The following YWHAQ variants were observed in gnomAD, a reference collection of about 807,000 sequenced individuals.
YWHAQ encodes tyrosine 3-monooxygenase/tryptophan 5-monooxygenase activation protein theta.
YWHAQ carries 6 observed loss-of-function variants against 28.3 expected under a neutral mutation model. The observed-to-expected ratio is 0.21, with a 90% CI of 0.12 to 0.42. YWHAQ has a LOEUF of 0.42. Ranked by LOEUF, YWHAQ falls within the 10% of genes least tolerant of loss-of-function variation. YWHAQ has a pLI of 1.00. For synonymous variants in YWHAQ, 143 were observed against 119.1 expected (o/e 1.20, Z -1.31); for missense variants, 201 against 305.6 (o/e 0.66, Z 2.55).
chr2:9,595,777 C>A (rs1331363173), intron 2 of YWHAQ, among the ~76,000 whole-genome samples: 2 of 149,924 alleles, frequency 1.3e-5, no homozygotes, highest in Non-Finnish European at 3.0e-5. Flanking sequence ...GTACGTTATT[C>A]TTATCAATTA....
chr2:9,605,743 G>A (rs1422902577), intron 2 of YWHAQ, among the ~76,000 whole-genome samples: 1 of 138,274 alleles, frequency 7.2e-6, no homozygotes, highest in Admixed American at 7.2e-5. Context: ...TTTTTTTTTT[G>A]GTAGAGGGGG....
intron 2 of YWHAQ, among the ~76,000 whole-genome samples, chr2:9,612,355 C>T (rs191491743): frequency 3.9e-5 from 6 of 152,284 alleles, no homozygotes; most frequent in Non-Finnish European, 7.4e-5. Context: ...AAAGGATAAA[C>T]TTAAAGCCAG....
chr2:9,586,092 A>G (rs770524041), intron 5 of YWHAQ, among the ~76,000 whole-genome samples: 3 of 152,200 alleles, frequency 2.0e-5, no homozygotes, highest in Non-Finnish European at 4.4e-5. Context: ...ATCATGGTTA[A>G]CAATTTTCAA....
Position 9,630,074 on chromosome 2 carries a change from C to T in YWHAQ, c.294+85G>A. On this transcript the variant is annotated intron_variant, in intron 2 of 5. Transcript: ENST00000238081. This position sits in a 1 kb window ranked among gnomAD's most constrained non-coding sequence, Gnocchi z 5.6. The stretch of plus-strand genomic sequence containing the variant: ...CAGCAGACAGTCCGGCAAGCCCCGG[C>T]TCACGTTTGTTTCCGTGCCCGCGAA... The T allele has an allele frequency of 2.6e-6, 4 of 1,534,186 alleles. No homozygotes were observed. The highest frequency in any genetic ancestry group is 2.4e-4 in the Middle Eastern group (1 of 4,120).
intron 2 of YWHAQ, among the ~76,000 whole-genome samples, chr2:9,616,344 G>A (rs1477723722): frequency 6.6e-6 from 1 of 151,192 alleles, no homozygotes; most frequent in East Asian, 1.9e-4. Context: ...AAACACAGGA[G>A]CTAAAATGAT....
rs577318582 is a variant in YWHAQ, at chr2:9,628,486, T to TCGA, written c.294+1670_294+1672dup. ...TTCCTTTGGCTCAGAGTCACCTTGC[T>TCGA]CGAGAACAAGAAAAATCACGCGGTG... On this transcript the variant is annotated intron_variant, in intron 2 of 5. Transcript: ENST00000238081. 4.8e-3 allele frequency among the ~76,000 whole-genome samples: 725 copies of TCGA among 152,318 alleles called. 2 individuals are homozygous for TCGA. The highest frequency in any genetic ancestry group is 6.8e-3 in the Middle Eastern group (2 of 294).
chr2:9,598,011 T>TTTTTTTTTTTTTTTTTTTTTTTTTTTTG (rs1397521514), intron 2 of YWHAQ, among the ~76,000 whole-genome samples: 2 of 137,102 alleles, frequency 1.5e-5, no homozygotes, highest in Non-Finnish European at 3.2e-5. Context: ...TTTTTTTTTT[T>TTTTTTTTTTTTTTTTTTTTTTTTTTTTG]TTAGTAGAGA....
chr2:9,613,537 A>G (rs1362537377), intron 2 of YWHAQ, among the ~76,000 whole-genome samples: 1 of 152,214 alleles, frequency 6.6e-6, no homozygotes, highest in Non-Finnish European at 1.5e-5. Context: ...CCCACAGGAT[A>G]AACAGGCAAA....
chr2:9,613,566 G>A (rs1208140559), intron 2 of YWHAQ, among the ~76,000 whole-genome samples: 1 of 152,214 alleles, frequency 6.6e-6, no homozygotes, highest in Non-Finnish European at 1.5e-5. Flanking sequence ...GGAAGCAGCA[G>A]ATGAAGAGAA....
Position 9,593,921 on chromosome 2 carries a change from T to TACACAC in YWHAQ, c.295-2407_295-2406insGTGTGT, listed in dbSNP as rs148503227. Among the ~76,000 whole-genome samples the TACACAC allele has an allele frequency of 2.0e-3, 260 of 128,334 alleles. 2 individuals are homozygous for TACACAC. The highest frequency in any genetic ancestry group is 7.2e-3 in the African/African-American group (191 of 26,440). The allele number at this position is 128,334 out of a possible 152,430, so 84.2% of individuals were successfully genotyped here. A position where few individuals can be genotyped will look rare whatever the true frequency, so the allele number is the denominator to read the frequency against. Reference sequence around the variant, plus strand: ...ATTAAAAAAAATATATATATATATATATACACACACACACACACACACTTT... The same window carrying TACACAC: ...ATTAAAAAAAATATATATATATATATACACACATACACACACACACACACACACTTT... On this transcript the variant is annotated intron_variant, in intron 2 of 5. Coordinates refer to ENST00000238081, the MANE Select transcript of YWHAQ (RefSeq NM_006826.4).
At chr2:9,615,485 T>TG (rs957492684) in intron 2 of YWHAQ, 6 of 151,304 alleles carry the variant, frequency 4.0e-5, no homozygotes, top group African/African-American at 1.5e-4. Context: ...TTCATGTGGT[T>TG]GGAGGACAGA....
rs1017104612 is a variant in YWHAQ, at chr2:9,605,721, C to T, written c.295-14206G>A. Among the ~76,000 whole-genome samples the T allele has an allele frequency of 1.6e-4, 24 of 149,436 alleles. No homozygotes were observed. In the East Asian group the frequency reaches 4.1e-3, roughly 25 times the overall value. On this transcript the variant is annotated intron_variant, in intron 2 of 5. Coordinates refer to ENST00000238081, the MANE Select transcript of YWHAQ (RefSeq NM_006826.4). ...GACTACAGGTGTGCACCACCATGAC[C>T]GGCTAATTTTTTTTTTTTTTTGGTA...
At chr2:9,598,819 A>G (rs982830629) in intron 2 of YWHAQ, among the ~76,000 whole-genome samples, 6 of 152,188 alleles carry the variant, frequency 3.9e-5, no homozygotes, top group African/African-American at 9.7e-5. Context: ...AATTAGACCA[A>G]TTAATAACCC....
chr2:9,628,117 G>A (rs1667284922), intron 2 of YWHAQ, among the ~76,000 whole-genome samples: 1 of 152,210 alleles, frequency 6.6e-6, no homozygotes, highest in Non-Finnish European at 1.5e-5. Context: ...CTGGCACACA[G>A]AAAGCTCTCA....
At chr2:9,599,330 G>T (rs1265009489) in intron 2 of YWHAQ, among the ~76,000 whole-genome samples, 1 of 152,172 alleles carries the variant, frequency 6.6e-6, no homozygotes, top group African/African-American at 2.4e-5. Context: ...TTATCCAGAA[G>T]ATCTAGCTAA....
At chr2:9,587,655 C>T in intron 4 of YWHAQ, 146 bp from the exon 5 acceptor site, 1 of 629,838 alleles carries the variant, frequency 1.6e-6, no homozygotes, top group Non-Finnish European at 2.7e-6. Flanking sequence ...TCTCACACTC[C>T]CAGTTTAAGA....
At chr2:9,589,842 T>C (rs13420746) in intron 3 of YWHAQ, among the ~76,000 whole-genome samples, 1,771 of 152,300 alleles carry the variant, frequency 0.012, 35 homozygotes, top group African/African-American at 0.04. Context: ...CCAACACTAA[T>C]CTGATTATAC....
At chr2:9,585,912 CAAA>C (rs34640890) in intron 5 of YWHAQ, among the ~76,000 whole-genome samples, 74 of 122,110 alleles carry the variant, frequency 6.1e-4, no homozygotes, top group Non-Finnish European at 7.4e-4. Context: ...GATCCTTTCT[CAAA>C]AAAAAAAAAA....
intron 5 of YWHAQ, among the ~76,000 whole-genome samples, chr2:9,586,289 G>A (rs1666343037): frequency 6.6e-6 from 1 of 152,182 alleles, no homozygotes; most frequent in African/African-American, 2.4e-5. Flanking sequence ...ATAGGAAGAT[G>A]AAGTGAAGAA....
Sources: allele counts gnomAD v4.1 joint callset (sites outside exome capture counted in the v4.1 genomes callset), GRCh38; gene constraint gnomAD v4.1.1; non-coding constraint Gnocchi (gnomAD v3.1); transcripts MANE v1.5; gene names NCBI Gene and HGNC (gene_info 2026-07-23, HGNC 2026-07-21).